The following ZNF791 variants were observed in gnomAD, a reference collection of about 807,000 sequenced individuals.
ZNF791 encodes zinc finger protein 791.
Under a neutral mutation model 11.5 loss-of-function variants are expected in ZNF791, and 4 were observed. The ratio of observed to expected loss-of-function variants is 0.35; its 90% CI spans 0.17 to 0.80. The LOEUF (loss-of-function observed/expected upper bound fraction) is 0.80, where lower values mean the gene tolerates loss of function less well. Ranked by LOEUF, ZNF791 falls within the 30% of genes least tolerant of loss-of-function variation. ZNF791 has a pLI of 0.53. For synonymous variants in ZNF791, 212 were observed against 228.1 expected (o/e 0.93, Z 0.64); for missense variants, 559 against 699.4 (o/e 0.80, Z 2.26).
chr19:12,621,604 C>T (rs1390781254), intron 1 of ZNF791, among the ~76,000 whole-genome samples: 2 of 150,984 alleles, frequency 1.3e-5, no homozygotes, highest in South Asian at 2.1e-4. Flanking sequence ...ACGATATAGG[C>T]AGCTAGACCT....
chr19:12,621,315 G>A (rs957104772), intron 1 of ZNF791, among the ~76,000 whole-genome samples: 8 of 152,064 alleles, frequency 5.3e-5, no homozygotes, highest in African/African-American at 1.7e-4. Flanking sequence ...TGGGTATAAC[G>A]ATTTTGTGAA....
chr19:12,629,272 A>G lies in ZNF791; in HGVS notation c.*12A>G. Reference sequence around the variant, plus strand: ...TGCACAATCGATAGAAACTCTATAAATGTGAGAAATAGGAGAAAGTTTTCA... The same window carrying G: ...TGCACAATCGATAGAAACTCTATAAGTGTGAGAAATAGGAGAAAGTTTTCA... On this transcript the variant is annotated 3_prime_UTR_variant, in exon 4 of 4. Coordinates refer to ENST00000343325, the MANE Select transcript of ZNF791 (RefSeq NM_153358.3). 7.0e-7 allele frequency: 1 copy of G among 1,432,948 alleles called. No individual in the cohort carries two copies. The allele number at this position is 1,432,948 out of a possible 1,614,324, so 88.8% of individuals were successfully genotyped here.
chr19:12,617,306 A>G (rs1472805514), intron 1 of ZNF791, among the ~76,000 whole-genome samples: 2 of 151,390 alleles, frequency 1.3e-5, no homozygotes, highest in Non-Finnish European at 2.9e-5. Flanking sequence ...TTTTATTTTT[A>G]GTAGAGATGG....
At chr19:12,615,264 C>T (rs1450782793) in intron 1 of ZNF791, among the ~76,000 whole-genome samples, 1 of 151,906 alleles carries the variant, frequency 6.6e-6, no homozygotes, top group Non-Finnish European at 1.5e-5. Flanking sequence ...ACTTCTCCCG[C>T]CCTGGCCTCC....
At chr19:12,622,422 A>C (rs944217087) in intron 1 of ZNF791, among the ~76,000 whole-genome samples, 12 of 146,492 alleles carry the variant, frequency 8.2e-5, no homozygotes, top group African/African-American at 2.5e-4. Flanking sequence ...AAAAAAAAAA[A>C]AAAAAAAAAA....
chr19:12,618,021 G>C (rs1331931385), intron 1 of ZNF791, among the ~76,000 whole-genome samples: 1 of 149,984 alleles, frequency 6.7e-6, no homozygotes. Context: ...GGGTTCAAGC[G>C]ATTCTCCTGC....
In ZNF791 at chr19:12,628,949, G is replaced by A. The variant is rs1173735425; in HGVS notation, c.1420G>A (p.Gly474Arg). 6.2e-7 allele frequency: 1 copy of A among 1,613,906 alleles called. No individual in the cohort carries two copies. Among genetic ancestry groups the A allele is most frequent in the African/African-American group, 1.3e-5 (1 of 75,026 alleles). The change falls in exon 4 of 4, where the codon GGA becomes AGA. Residue 474 changes from glycine to arginine, a missense_variant. Gly to Arg is a moderately radical substitution (Grantham distance 125). Coordinates refer to ENST00000343325, the MANE Select transcript of ZNF791 (RefSeq NM_153358.3). ...GAAACCCTATGAATGTAAACAATGT[G>A]GAAAAGCCTTTAGTTGTTCTAGTTA... Reference protein sequence around the residue: ...GEKPYECKQCGKAFSCSSYIR... With the variant: ...GEKPYECKQCRKAFSCSSYIR...
chr19:12,622,465 A>C (rs1165087903), intron 1 of ZNF791, among the ~76,000 whole-genome samples: 1 of 148,610 alleles, frequency 6.7e-6, no homozygotes, highest in African/African-American at 2.5e-5. Context: ...ATCTTAAGGA[A>C]TGCTGAATGA....
intron 1 of ZNF791, among the ~76,000 whole-genome samples, chr19:12,621,811 G>A (rs1204985532): frequency 7.2e-5 from 10 of 138,674 alleles, no homozygotes; most frequent in African/African-American, 1.9e-4. Flanking sequence ...CCGTCCGGGA[G>A]GTGAGGGGCG....
At chr19:12,611,202 T>C in intron 1 of ZNF791, 120 bp downstream of exon 1, 2 of 1,355,122 alleles carry the variant, frequency 1.5e-6, no homozygotes, top group South Asian at 1.3e-5. Context: ...AAGCGTCCTG[T>C]CCCGTCCCTG....
At chr19:12,621,852 G>T (rs2023354482) in intron 1 of ZNF791, among the ~76,000 whole-genome samples, 1 of 136,788 alleles carries the variant, frequency 7.3e-6, no homozygotes, top group African/African-American at 2.8e-5. Context: ...CGTCTGGGAG[G>T]TGTGCCTAAC....
intron 1 of ZNF791, among the ~76,000 whole-genome samples, chr19:12,611,564 C>T (rs545199620): frequency 1.3e-4 from 20 of 152,324 alleles, no homozygotes; most frequent in African/African-American, 4.1e-4. Flanking sequence ...ACATCGTCAC[C>T]AACTCTTTGT....
chr19:12,610,925 C>A lies in ZNF791; in HGVS notation c.-155C>A. 1 of 1,074,142 alleles carries A rather than the reference C, an allele frequency of 9.3e-7. No individual in the cohort carries two copies. Among genetic ancestry groups the A allele is most frequent in the Non-Finnish European group, 1.4e-6 (1 of 706,844 alleles). 66.5% of individuals were successfully genotyped at this position (1,074,142 alleles called of 1,614,324 possible). A position where few individuals can be genotyped will look rare whatever the true frequency, so the allele number is the denominator to read the frequency against. On this transcript the variant is annotated 5_prime_UTR_variant, in exon 1 of 4. Transcript: ENST00000343325. ...AGGGTACGGCTACGCTGCGCAAATG[C>A]GTGCTACGTCACTGTGCGATCGGGT...
intron 1 of ZNF791, among the ~76,000 whole-genome samples, chr19:12,621,036 C>T (rs545719394): frequency 6.6e-6 from 1 of 152,130 alleles, no homozygotes; most frequent in East Asian, 1.9e-4. Flanking sequence ...GCTGGGATTA[C>T]AGGCATGAGC....
chr19:12,633,097 A>G lies in ZNF791; in HGVS notation c.*3837A>G, dbSNP rs2023519849. On this transcript the variant is annotated 3_prime_UTR_variant, in exon 4 of 4. Coordinates refer to ENST00000343325, the MANE Select transcript of ZNF791 (RefSeq NM_153358.3). ...GCAGCAGAACGAGACTCCATCTCAA[A>G]TAAATAAATAAATAAAATGAATTTC... is the stretch of plus-strand genomic sequence containing the variant. 6.6e-6 allele frequency: 1 copy of G among 152,194 alleles called. No individual in the cohort carries two copies. The allele number at this position is 152,194 out of a possible 1,614,324, so 9.4% of individuals were successfully genotyped here.
chr19:12,630,894 AAAG>A lies in ZNF791; in HGVS notation c.*1637_*1639del, dbSNP rs2023495094. On this transcript the variant is annotated 3_prime_UTR_variant, in exon 4 of 4. Coordinates refer to ENST00000343325, the MANE Select transcript of ZNF791 (RefSeq NM_153358.3). The stretch of plus-strand genomic sequence containing the variant: ...ACAAAGTTTTTAAAAATAAGTTTAT[AAAG>A]AAAATAATGTACAGTAAGTTAAGGT... 6.6e-6 allele frequency: 1 copy of A among 152,266 alleles called. No homozygotes were observed. Among genetic ancestry groups the A allele is most frequent in the Non-Finnish European group, 1.5e-5 (1 of 68,050 alleles). The allele number at this position is 152,266 out of a possible 1,614,324, so 9.4% of individuals were successfully genotyped here.
rs2023498715 is a variant in ZNF791, at chr19:12,631,278, G to GCTATACCGTCTAGATGTGTTGTAT, written c.*2025_*2026insGTCTAGATGTGTTGTATCTATACC. ...TACCATATAGTCTAGATGTGTTGTAGCTATACCATCTAGATTTGTGTAAGT... is the reference window on the plus strand; with the variant it reads ...TACCATATAGTCTAGATGTGTTGTAGCTATACCGTCTAGATGTGTTGTATCTATACCATCTAGATTTGTGTAAGT... On this transcript the variant is annotated 3_prime_UTR_variant, in exon 4 of 4. Transcript: ENST00000343325. 1.3e-5 allele frequency: 2 copies of GCTATACCGTCTAGATGTGTTGTAT among 152,168 alleles called. No individual in the cohort carries two copies. The highest frequency in any genetic ancestry group is 4.8e-5 in the African/African-American group (2 of 41,450). The allele number at this position is 152,168 out of a possible 1,614,324, so 9.4% of individuals were successfully genotyped here.
intron 1 of ZNF791, among the ~76,000 whole-genome samples, chr19:12,618,021 G>A (rs1331931385): frequency 1.3e-5 from 2 of 149,984 alleles, no homozygotes; most frequent in African/African-American, 2.5e-5. Context: ...GGGTTCAAGC[G>A]ATTCTCCTGC....
intron 1 of ZNF791, among the ~76,000 whole-genome samples, chr19:12,612,036 G>C (rs1471733455): frequency 1.3e-5 from 2 of 152,054 alleles, no homozygotes; most frequent in Non-Finnish European, 2.9e-5. Context: ...AAAATTCTTT[G>C]TTCTTTCCCT....
Sources: allele counts gnomAD v4.1 joint callset (sites outside exome capture counted in the v4.1 genomes callset), GRCh38; gene constraint gnomAD v4.1.1; transcripts MANE v1.5; gene names NCBI Gene and HGNC (gene_info 2026-07-23, HGNC 2026-07-21).